The following TRPC1 variants were observed in gnomAD, a reference collection of about 807,000 sequenced individuals.
TRPC1 encodes short transient receptor potential channel 1.
A neutral mutation model predicts 88.2 loss-of-function variants in TRPC1; 42 were observed. The observed-to-expected ratio is 0.48, with a 90% confidence interval of 0.37 to 0.62. TRPC1 has a LOEUF of 0.62. Ranked by LOEUF, TRPC1 falls within the 20% of genes least tolerant of loss-of-function variation. TRPC1 has a pLI of 0.00. For missense variants in TRPC1, 699 were observed against 957.3 expected (o/e 0.73, Z 3.56); for synonymous variants, 288 against 331.8 (o/e 0.87, Z 1.43).
At chr3:142,796,058 T>C (rs559242534) in intron 9 of TRPC1, among the ~76,000 whole-genome samples, 41 of 152,278 alleles carry the variant, frequency 2.7e-4, no homozygotes, top group Non-Finnish European at 5.0e-4. Flanking sequence ...TTTATTCACA[T>C]TTATTACCTC....
chr3:142,803,309 A>G (rs968747799), intron 10 of TRPC1, among the ~76,000 whole-genome samples: 49 of 152,302 alleles, frequency 3.2e-4, no homozygotes, highest in African/African-American at 1.2e-3. Flanking sequence ...TTACAGAGAG[A>G]GAGAACGGCA....
intron 11 of TRPC1, 105 bp downstream of exon 11, chr3:142,804,283 G>C: frequency 1.7e-6 from 2 of 1,189,940 alleles, no homozygotes; most frequent in Middle Eastern, 3.0e-4. Context: ...TTGAAAAATA[G>C]TATTTTTAAA....
At position 142,784,724 on chromosome 3, in the gene TRPC1, C is replaced by G; in HGVS notation, c.981C>G (p.Cys327Trp). The G allele has an allele frequency of 6.2e-7, 1 of 1,611,670 alleles. No homozygotes were observed. The highest frequency in any genetic ancestry group is 8.5e-7 in the Non-Finnish European group (1 of 1,178,594). The change falls in exon 7 of 13, where the codon TGC becomes TGG. Residue 327 changes from cysteine (C) to tryptophan (W), a missense_variant. Coordinates refer to ENST00000476941, the MANE Select transcript of TRPC1 (RefSeq NM_001251845.2). ...NQKEFVSQSN[C>W]QQFLNTVWFG... Reference sequence around the variant, plus strand: ...TTCAGTTTGTCTCCCAGTCTAACTGCCAGCAGTTCCTGAACACTGTTTGGT... The same window carrying G: ...TTCAGTTTGTCTCCCAGTCTAACTGGCAGCAGTTCCTGAACACTGTTTGGT...
chr3:142,745,924 A>AT (rs1389058758), intron 3 of TRPC1, among the ~76,000 whole-genome samples: 1 of 151,586 alleles, frequency 6.6e-6, no homozygotes, highest in African/African-American at 2.4e-5. Flanking sequence ...TGCCCAGCTA[A>AT]TTTTGTATTT....
At position 142,784,712 on chromosome 3, in the gene TRPC1, C is replaced by T; in HGVS notation, c.969C>T (p.Ser323=). The change falls in exon 7 of 13, where the codon TCC becomes TCT. Residue 323 remains serine, a synonymous_variant. Transcript: ENST00000476941. ...AIKYNQKEFV[S]QSNCQQFLNT... ...GTGTATGTCCTTTTCAGTTTGTCTC[C>T]CAGTCTAACTGCCAGCAGTTCCTGA... 6.2e-7 allele frequency: 1 copy of T among 1,608,166 alleles called. No homozygotes were observed. Among genetic ancestry groups the T allele is most frequent in the Non-Finnish European group, 8.5e-7 (1 of 1,176,988 alleles).
intron 4 of TRPC1, among the ~76,000 whole-genome samples, chr3:142,766,399 T>C (rs1319659377): frequency 6.6e-6 from 1 of 151,516 alleles, no homozygotes; most frequent in Non-Finnish European, 1.5e-5. Flanking sequence ...TACATCTTTT[T>C]TTTTTTTTTC....
chr3:142,783,399 G>A (rs1174902238), intron 6 of TRPC1, among the ~76,000 whole-genome samples: 3 of 152,142 alleles, frequency 2.0e-5, no homozygotes, highest in Non-Finnish European at 2.9e-5. Flanking sequence ...ATGAAGTATT[G>A]CCAAAAATAA....
At position 142,792,691 on chromosome 3, in the gene TRPC1, A is replaced by G. The variant is rs1265903339; in HGVS notation, c.1438-133A>G. ...ATTATTTCTATTTTTAAAAAACCCT[A>G]TAAAACATAAGTGGAGATCCCCTAT... On this transcript the variant is annotated intron_variant, in intron 8 of 12. Transcript: ENST00000476941. This position sits in a 1 kb window ranked among gnomAD's most constrained non-coding sequence, Gnocchi z 4.0. The G allele has an allele frequency of 2.6e-5, 18 of 688,788 alleles. No individual in the cohort carries two copies. The highest frequency in any genetic ancestry group is 7.2e-4 in the Middle Eastern group (2 of 2,768). The allele number at this position is 688,788 out of a possible 1,614,324, so 42.7% of individuals were successfully genotyped here.
intron 7 of TRPC1, among the ~76,000 whole-genome samples, chr3:142,786,334 G>A (rs1936132678): frequency 6.6e-6 from 1 of 151,938 alleles, no homozygotes; most frequent in Admixed American, 6.6e-5. Context: ...TTCAATTTTA[G>A]CTCTTTAGCT....
At chr3:142,733,269 T>A (rs1006741918) in intron 1 of TRPC1, among the ~76,000 whole-genome samples, 1 of 152,214 alleles carries the variant, frequency 6.6e-6, no homozygotes, top group African/African-American at 2.4e-5. Context: ...CTCAGCACTT[T>A]GGGAGGCCAA....
At chr3:142,730,733 A>AT (rs1448990616) in intron 1 of TRPC1, among the ~76,000 whole-genome samples, 2 of 146,508 alleles carry the variant, frequency 1.4e-5, no homozygotes, top group Non-Finnish European at 1.5e-5. Context: ...ATGTCTTTTT[A>AT]TTTTTTCACA....
chr3:142,781,737 GATA>G (rs938523614), intron 6 of TRPC1, among the ~76,000 whole-genome samples: 13 of 152,098 alleles, frequency 8.5e-5, no homozygotes, highest in African/African-American at 2.4e-4. Flanking sequence ...TTCATATGTA[GATA>G]ATAATAATAT....
chr3:142,739,277 A>T (rs915603979), intron 2 of TRPC1, among the ~76,000 whole-genome samples: 1 of 152,054 alleles, frequency 6.6e-6, no homozygotes, highest in African/African-American at 2.4e-5. Flanking sequence ...CCCAGCCTAG[A>T]TATTATTATT....
intron 8 of TRPC1, 52 bp downstream of exon 8, chr3:142,791,210 T>G: frequency 6.6e-7 from 1 of 1,504,724 alleles, no homozygotes; most frequent in Non-Finnish European, 9.0e-7. Context: ...ATTTTGGAAA[T>G]AGCTAAGATA....
At chr3:142,752,690 C>T (rs553848154) in intron 4 of TRPC1, among the ~76,000 whole-genome samples, 1 of 152,326 alleles carries the variant, frequency 6.6e-6, no homozygotes, top group African/African-American at 2.4e-5. Flanking sequence ...CAGACTATCA[C>T]ATGGGGAGAA....
intron 4 of TRPC1, among the ~76,000 whole-genome samples, chr3:142,759,459 G>C (rs1424789662): frequency 3.9e-5 from 6 of 152,230 alleles, no homozygotes; most frequent in Non-Finnish European, 7.4e-5. Context: ...TGTCTGTTGG[G>C]TGCATAAATG....
chr3:142,792,828 A>G lies in TRPC1; in HGVS notation c.1442A>G (p.His481Arg), dbSNP rs765355502. The G allele has an allele frequency of 2.6e-5, 41 of 1,581,130 alleles. No individual in the cohort carries two copies. The highest frequency in any genetic ancestry group is 5.5e-5 in the Admixed American group (3 of 54,402). The change falls in exon 9 of 13, where the codon CAT becomes CGT. Residue 481 changes from histidine to arginine, a missense_variant. Coordinates refer to ENST00000476941, the MANE Select transcript of TRPC1 (RefSeq NM_001251845.2). This position sits in a 1 kb window ranked among gnomAD's most constrained non-coding sequence, Gnocchi z 4.0. ...GCTTTTTCTTCCTAACCTTAGTTTC[A>G]TGATTTTGCTGATCGGAAGGATTGG... ...ALKVVAHNKF[H>R]DFADRKDWDA...
In TRPC1 at chr3:142,724,630, C is replaced by T. The variant is rs2107997710; in HGVS notation, c.71C>T (p.Ser24Phe). ...TCCTCCTCCCTGCCTTCCTCTCCAT[C>T]CTCTTCCTCGCCGAACGAGGTGATG... Reference protein sequence around the residue: ...ASSSSLPSSPSSSSPNEVMAL... With the variant: ...ASSSSLPSSPFSSSPNEVMAL... Residue 24 changes from serine (S) to phenylalanine (F), a missense_variant, in exon 1 of 13, where the codon TCC becomes TTC. Coordinates refer to ENST00000476941, the MANE Select transcript of TRPC1 (RefSeq NM_001251845.2). This position sits in a 1 kb window ranked among gnomAD's most constrained non-coding sequence, Gnocchi z 5.6. 2 of 1,612,670 alleles carry T rather than the reference C, an allele frequency of 1.2e-6. No homozygotes were observed. The highest frequency in any genetic ancestry group is 4.5e-5 in the East Asian group (2 of 44,694).
At chr3:142,780,790 A>G in intron 5 of TRPC1, 44 bp from the exon 6 acceptor site, 1 of 1,524,706 alleles carries the variant, frequency 6.6e-7, no homozygotes, top group Non-Finnish European at 8.8e-7. Context: ...CTTAATTAGA[A>G]GATGGAAACG....
Sources: allele counts gnomAD v4.1 joint callset (sites outside exome capture counted in the v4.1 genomes callset), GRCh38; gene constraint gnomAD v4.1.1; non-coding constraint Gnocchi (gnomAD v3.1); transcripts MANE v1.5; gene names NCBI Gene and HGNC (gene_info 2026-07-23, HGNC 2026-07-21).